TRDN: variants seen among roughly 807,000 people sequenced by gnomAD.
TRDN encodes the protein triadin in skeletal muscle.
TRDN carries 161 observed loss-of-function variants against 149.7 expected under a neutral mutation model. The ratio of observed to expected loss-of-function variants is 1.08; its 90% CI spans 0.95 to 1.23. The LOEUF is 1.23. Ranked by LOEUF, TRDN falls within the 50% of genes most tolerant of loss-of-function variation. The pLI, the probability that TRDN is intolerant of heterozygous loss-of-function variation, is 0.00. For synonymous variants in TRDN, 294 were observed against 250.5 expected (o/e 1.17, Z -1.64); for missense variants, 896 against 823.5 (o/e 1.09, Z -1.08).
chr6:123,551,672 T>C (rs192133114), intron 2 of TRDN, among the ~76,000 whole-genome samples: 52 of 152,116 alleles, frequency 3.4e-4, no homozygotes, highest in African/African-American at 1.2e-3. Context: ...ATGACATAGG[T>C]ATATTATTTT....
chr6:123,621,568 T>C (rs911348777), intron 1 of TRDN, among the ~76,000 whole-genome samples: 12 of 152,098 alleles, frequency 7.9e-5, no homozygotes, highest in African/African-American at 2.9e-4. Flanking sequence ...TTTTATGCAA[T>C]GAAACACTGT....
intron 12 of TRDN, among the ~76,000 whole-genome samples, chr6:123,412,787 A>C (rs532037229): frequency 6.6e-6 from 1 of 152,144 alleles, no homozygotes; most frequent in African/African-American, 2.4e-5. Context: ...ATCAATTTTT[A>C]AAAAAATTCT....
intron 1 of TRDN, among the ~76,000 whole-genome samples, chr6:123,593,343 A>G (rs1783882346): frequency 6.6e-6 from 1 of 152,216 alleles, no homozygotes; most frequent in Admixed American, 6.5e-5. Flanking sequence ...AAATGAGGCC[A>G]TCTTATGAGT....
At chr6:123,426,955 T>C (rs1770372865) in intron 12 of TRDN, among the ~76,000 whole-genome samples, 1 of 152,090 alleles carries the variant, frequency 6.6e-6, no homozygotes, top group Admixed American at 6.6e-5. Context: ...CTAGAAACCA[T>C]TTTTCCCTAT....
chr6:123,244,471 T>C (rs981300228), intron 38 of TRDN, among the ~76,000 whole-genome samples: 3 of 151,870 alleles, frequency 2.0e-5, no homozygotes, highest in Non-Finnish European at 4.4e-5. Flanking sequence ...ATAGCCAAAC[T>C]GATCAGAAGA....
chr6:123,448,787 C>A (rs1191455834), intron 10 of TRDN, among the ~76,000 whole-genome samples: 1 of 152,058 alleles, frequency 6.6e-6, no homozygotes, highest in African/African-American at 2.4e-5. Context: ...AGCATTAAAC[C>A]ACAAAAGCTA....
chr6:123,568,280 C>G lies in TRDN; in HGVS notation c.232+2643G>C, dbSNP rs193041803. 3.2e-3 allele frequency among the ~76,000 whole-genome samples: 482 copies of G among 152,358 alleles called. 1 individual carries two copies. Among genetic ancestry groups the G allele is most frequent in the Non-Finnish European group, 3.9e-3 (262 of 68,038 alleles). On this transcript the variant is annotated intron_variant, in intron 2 of 40. Coordinates refer to ENST00000334268, the MANE Select transcript of TRDN (RefSeq NM_006073.4). ...GCAGGGTTCAGCCCTGGAGGCTGCT[C>G]TCACACATTGTTGAGTGCCTGCAGC...
At chr6:123,473,092 G>C (rs2114742369) in intron 9 of TRDN, among the ~76,000 whole-genome samples, 1 of 152,370 alleles carries the variant, frequency 6.6e-6, no homozygotes, top group Non-Finnish European at 1.5e-5. Context: ...AAGCTGGATG[G>C]AGAATGACTT....
chr6:123,321,325 T>C (rs1779234388), intron 23 of TRDN, among the ~76,000 whole-genome samples: 1 of 152,170 alleles, frequency 6.6e-6, no homozygotes, highest in Non-Finnish European at 1.5e-5. Context: ...TAAACTACTT[T>C]TCTCGCACTT....
chr6:123,423,693 C>T (rs538629012), intron 12 of TRDN, among the ~76,000 whole-genome samples: 1 of 152,054 alleles, frequency 6.6e-6, no homozygotes, highest in Non-Finnish European at 1.5e-5. Flanking sequence ...ATAGTACTTT[C>T]CAGGGATACA....
rs187842775 is a variant in TRDN, at chr6:123,429,440, T to C, written c.1051+8623A>G. Among the ~76,000 whole-genome samples, 146 of 152,270 alleles carry C rather than the reference T, an allele frequency of 9.6e-4. 2 individuals are homozygous for C. In the South Asian group the frequency reaches 0.022, roughly 23 times the overall value. On this transcript the variant is annotated intron_variant, in intron 12 of 40. Transcript: ENST00000334268. ...TTTGGGATCCCTAGAGAGGCTGCAGTTGAGGGAGATATCACTTTGATGTTT... is the reference window on the plus strand; with the variant it reads ...TTTGGGATCCCTAGAGAGGCTGCAGCTGAGGGAGATATCACTTTGATGTTT...
At chr6:123,480,754 T>C (rs1777712633) in intron 9 of TRDN, among the ~76,000 whole-genome samples, 1 of 152,094 alleles carries the variant, frequency 6.6e-6, no homozygotes, top group African/African-American at 2.4e-5. Context: ...AATTTATAAA[T>C]AGAGTAACAA....
chr6:123,367,224 T>C (rs1200149948), intron 19 of TRDN, among the ~76,000 whole-genome samples: 1 of 152,070 alleles, frequency 6.6e-6, no homozygotes, highest in Non-Finnish European at 1.5e-5. Flanking sequence ...ATAATAATAA[T>C]AAGCTCGTGA....
At chr6:123,353,477 C>T (rs1780543920) in intron 20 of TRDN, among the ~76,000 whole-genome samples, 1 of 151,750 alleles carries the variant, frequency 6.6e-6, no homozygotes. Flanking sequence ...AGTATTATTT[C>T]CAAGGTATCC....
intron 38 of TRDN, among the ~76,000 whole-genome samples, chr6:123,234,286 A>T (rs1186413937): frequency 1.3e-5 from 2 of 152,144 alleles, no homozygotes; most frequent in Non-Finnish European, 2.9e-5. Context: ...TTATAAAAAC[A>T]ATCACTTTCA....
At chr6:123,580,895 T>C (rs1334238433) in intron 1 of TRDN, among the ~76,000 whole-genome samples, 1 of 152,204 alleles carries the variant, frequency 6.6e-6, no homozygotes, top group African/African-American at 2.4e-5. Flanking sequence ...TATGATACTT[T>C]TAATTATTTT....
At chr6:123,596,213 C>A (rs2114634335) in intron 1 of TRDN, among the ~76,000 whole-genome samples, 1 of 152,124 alleles carries the variant, frequency 6.6e-6, no homozygotes, top group African/African-American at 2.4e-5. Context: ...TCAAACCAAC[C>A]AAAACACTCC....
intron 1 of TRDN, among the ~76,000 whole-genome samples, chr6:123,627,981 A>C (rs1333983989): frequency 6.6e-6 from 1 of 152,210 alleles, no homozygotes; most frequent in African/African-American, 2.4e-5. Flanking sequence ...TTTGGCTGAA[A>C]GAGAATTCTG....
chr6:123,621,490 G>T (rs1214272237), intron 1 of TRDN, among the ~76,000 whole-genome samples: 1 of 151,888 alleles, frequency 6.6e-6, no homozygotes, highest in African/African-American at 2.4e-5. Context: ...ACTAAAAAAA[G>T]AACATAAAAA....
Sources: allele counts gnomAD v4.1 joint callset (sites outside exome capture counted in the v4.1 genomes callset), GRCh38; gene constraint gnomAD v4.1.1; transcripts MANE v1.5; gene names NCBI Gene and HGNC (gene_info 2026-07-23, HGNC 2026-07-21).